MALRD1: variants seen among roughly 807,000 people sequenced by gnomAD.
The protein encoded by MALRD1 is MAM and LDL receptor class A domain containing 1, also known as MAM and LDL-receptor class A domain-containing protein 1.
MALRD1 carries 247 observed loss-of-function variants against 242.1 expected under a neutral mutation model. That is an observed-to-expected ratio of 1.02 (90% CI 0.92 to 1.13). The LOEUF is 1.13. Ranked by LOEUF, MALRD1 falls within the 50% of genes most tolerant of loss-of-function variation. The probability of loss-of-function intolerance (pLI) is 0.00; values close to 1 mark genes in which losing one functional copy is unlikely to be tolerated. For synonymous variants in MALRD1, 995 were observed against 866.6 expected, an observed-to-expected ratio of 1.15 and a Z score of -2.60; for missense variants, 2,989 against 2,533.1, an observed-to-expected ratio of 1.18 and a Z score of -3.86.
intron 38 of MALRD1, 39 bp from the exon 39 acceptor site, chr10:19,730,661 AAATGTC>A: frequency 1.3e-6 from 2 of 1,502,536 alleles, no homozygotes; most frequent in Non-Finnish European, 1.8e-6. Context: ...GTACTATGGT[AAATGTC>A]AATAGTTTTT....
chr10:19,522,989 A>T (rs1224795526), intron 31 of MALRD1, among the ~76,000 whole-genome samples: 1 of 152,148 alleles, frequency 6.6e-6, no homozygotes, highest in Non-Finnish European at 1.5e-5. Flanking sequence ...TCTTATTTCC[A>T]CTGGTAGAAT....
chr10:19,614,962 A>T (rs184542844), intron 35 of MALRD1, among the ~76,000 whole-genome samples: 1 of 152,214 alleles, frequency 6.6e-6, no homozygotes, highest in Admixed American at 6.5e-5. Context: ...TATGTCATGC[A>T]GACACATTCT....
At chr10:19,429,751 T>C (rs193258835) in intron 28 of MALRD1, among the ~76,000 whole-genome samples, 3 of 152,312 alleles carry the variant, frequency 2.0e-5, no homozygotes, top group Non-Finnish European at 2.9e-5. Context: ...TGATCTCATA[T>C]TGATCAGTTC....
At chr10:19,661,490 A>G (rs1841432892) in intron 36 of MALRD1, among the ~76,000 whole-genome samples, 1 of 152,214 alleles carries the variant, frequency 6.6e-6, no homozygotes, top group South Asian at 2.1e-4. Context: ...TTGTAGGGAC[A>G]TGGATGAAGC....
At chr10:19,545,779 C>T (rs1432357336) in intron 32 of MALRD1, among the ~76,000 whole-genome samples, 1 of 152,140 alleles carries the variant, frequency 6.6e-6, no homozygotes, top group East Asian at 1.9e-4. Flanking sequence ...CCCCACCAAC[C>T]CCTCACGTAA....
chr10:19,640,058 G>A (rs373859328), intron 36 of MALRD1, among the ~76,000 whole-genome samples: 1 of 152,050 alleles, frequency 6.6e-6, no homozygotes, highest in African/African-American at 2.4e-5. Context: ...GGCCCACCAT[G>A]GGGGAAGGGA....
intron 21 of MALRD1, among the ~76,000 whole-genome samples, chr10:19,293,357 A>G (rs912249637): frequency 1.5e-4 from 23 of 152,232 alleles, no homozygotes; most frequent in African/African-American, 5.3e-4. Flanking sequence ...GTTGTCAAGC[A>G]GCATTCTGGC....
intron 5 of MALRD1, among the ~76,000 whole-genome samples, chr10:19,112,927 A>G (rs957485703): frequency 6.6e-6 from 1 of 152,192 alleles, no homozygotes; most frequent in Non-Finnish European, 1.5e-5. Context: ...CAAAAAGTTA[A>G]GAGTAATTTT....
chr10:19,376,512 A>G (rs531584809), intron 26 of MALRD1, among the ~76,000 whole-genome samples: 1 of 151,618 alleles, frequency 6.6e-6, no homozygotes, highest in East Asian at 1.9e-4. Flanking sequence ...TGGAGGAAAA[A>G]ATGTTTGAAA....
intron 18 of MALRD1, among the ~76,000 whole-genome samples, chr10:19,228,447 C>T (rs1394819278): frequency 6.6e-6 from 1 of 152,168 alleles, no homozygotes; most frequent in Non-Finnish European, 1.5e-5. Flanking sequence ...TGCAGATTTT[C>T]TGTATCTTGA....
intron 29 of MALRD1, among the ~76,000 whole-genome samples, chr10:19,475,220 G>C (rs1442116667): frequency 1.3e-5 from 2 of 152,070 alleles, no homozygotes; most frequent in East Asian, 1.9e-4. Context: ...TCGAGACCAT[G>C]CTGGCTAACA....
intron 24 of MALRD1, among the ~76,000 whole-genome samples, chr10:19,347,552 AC>A (rs1209421116): frequency 1.4e-5 from 2 of 142,286 alleles, no homozygotes; most frequent in African/African-American, 5.2e-5. Flanking sequence ...CAGTTTTGAA[AC>A]TGGGACCAGA....
intron 34 of MALRD1, among the ~76,000 whole-genome samples, chr10:19,598,755 T>C (rs960774334): frequency 6.6e-6 from 1 of 150,918 alleles, no homozygotes; most frequent in Non-Finnish European, 1.5e-5. Flanking sequence ...GTAGATGAGA[T>C]CAAAGAGAGA....
At chr10:19,500,882 G>A (rs2131254771) in intron 31 of MALRD1, among the ~76,000 whole-genome samples, 1 of 152,112 alleles carries the variant, frequency 6.6e-6, no homozygotes, top group African/African-American at 2.4e-5. Flanking sequence ...ATGCATCAGT[G>A]AATGAAACAG....
At chr10:19,597,225 C>T (rs1230836700) in intron 34 of MALRD1, among the ~76,000 whole-genome samples, 4 of 152,148 alleles carry the variant, frequency 2.6e-5, no homozygotes, top group Non-Finnish European at 4.4e-5. Context: ...AATTACTTAT[C>T]CCTGTTCCCA....
chr10:19,098,778 T>G (rs1163562246), intron 4 of MALRD1, among the ~76,000 whole-genome samples: 1 of 151,946 alleles, frequency 6.6e-6, no homozygotes, highest in Non-Finnish European at 1.5e-5. Flanking sequence ...GAATGGAGGT[T>G]TAATAGGTGA....
rs547762127 is a variant in MALRD1 at position 19,616,068 on chromosome 10, G to T, written c.6137+145G>T. 5.3e-6 allele frequency: 3 copies of T among 562,356 alleles called. No homozygotes were observed. In the African/African-American group the frequency reaches 5.7e-5, roughly 11 times the overall value. The allele number at this position is 562,356 out of a possible 1,614,324, so 34.8% of individuals were successfully genotyped here. A position where few individuals can be genotyped will look rare whatever the true frequency, so the allele number is the denominator to read the frequency against. On this transcript the variant is annotated intron_variant, in intron 36 of 39. Transcript: ENST00000454679. ...ATAATGGTACTATTTACATTTATCTGTCTGAATAAGGTAAAGGAATATGTG... is the reference window on the plus strand; with the variant it reads ...ATAATGGTACTATTTACATTTATCTTTCTGAATAAGGTAAAGGAATATGTG...
intron 19 of MALRD1, among the ~76,000 whole-genome samples, chr10:19,266,086 T>C (rs1184028129): frequency 6.6e-6 from 1 of 151,956 alleles, no homozygotes; most frequent in African/African-American, 2.4e-5. Flanking sequence ...CTTTCAGTTT[T>C]AGTATATCTG....
intron 14 of MALRD1, among the ~76,000 whole-genome samples, chr10:19,191,503 ATAAT>A (rs1190798230): frequency 6.6e-6 from 1 of 152,212 alleles, no homozygotes; most frequent in Non-Finnish European, 1.5e-5. Context: ...TATACTCAAA[ATAAT>A]TAAAAGCAAG....
Sources: gnomAD v4.1 joint callset for allele counts (sites outside exome capture counted in the v4.1 genomes callset) on GRCh38, gnomAD v4.1.1 for gene constraint, MANE v1.5 for transcripts, NCBI Gene and HGNC (gene_info 2026-07-23, HGNC 2026-07-21) for gene names.